The following NETO2 variants were observed in gnomAD, a reference collection of about 807,000 sequenced individuals.
NETO2 encodes neuropilin and tolloid like 2, also known as neuropilin and tolloid-like protein 2.
In NETO2, 28 loss-of-function variants were observed where a neutral mutation model predicts 62.5. The ratio of observed to expected loss-of-function variants is 0.45; its 90% confidence interval spans 0.33 to 0.61. The LOEUF (loss-of-function observed/expected upper bound fraction) is 0.61. Among genes scored for constraint, NETO2 ranks in the 20% least tolerant of loss-of-function variants. NETO2 has a pLI of 0.02. For missense variants in NETO2, 548 were observed against 643.2 expected (o/e 0.85, Z 1.60); for synonymous variants, 214 against 219.1 (o/e 0.98, Z 0.21).
At chr16:47,133,599 CATAACATAAAATAAAATAAAATAAA>C (rs1333924898) in intron 1 of NETO2, among the ~76,000 whole-genome samples, 1 of 122,524 alleles carries the variant, frequency 8.2e-6, no homozygotes, top group Admixed American at 9.7e-5. Flanking sequence ...CATAAAATGA[CATAACATAAAATAAAATAAAATAAA>C]ATAAAATAAA....
rs757500477 is a variant in NETO2 at position 47,083,727 on chromosome 16, C to T, written c.1072G>A (p.Val358Ile). ...ATAGAAATAATGAGAAGGACCAAGA[C>T]AATCCCTGAAGTAATGCCAATAATT... ...GTIIGITSGI[V>I]LVLLIISILV... Residue 358 changes from valine to isoleucine, a missense_variant, in exon 9 of 9, where the codon GTC becomes ATC. Val to Ile is a conservative substitution (Grantham distance 29). Coordinates refer to ENST00000562435, the MANE Select transcript of NETO2 (RefSeq NM_018092.5). 1 of 1,614,086 alleles carries T rather than the reference C, an allele frequency of 6.2e-7. No homozygotes were observed. The highest frequency in any genetic ancestry group is 8.5e-7 in the Non-Finnish European group (1 of 1,179,920).
At chr16:47,125,202 A>G (rs1463152102) in intron 4 of NETO2, among the ~76,000 whole-genome samples, 1 of 152,198 alleles carries the variant, frequency 6.6e-6, no homozygotes, top group Non-Finnish European at 1.5e-5. Context: ...AGTTAATAAA[A>G]ATAAAATAGC....
In NETO2 at chr16:47,138,591, C is replaced by T. The variant is rs566819586; in HGVS notation, c.34+4988G>A. On this transcript the variant is annotated intron_variant, in intron 1 of 8. Transcript: ENST00000562435. ...ATAGTCTTCATTTTGGGGAACTGTG[C>T]GCTCAGTTAAATTCAGAGAATTACT... 3.5e-4 allele frequency among the ~76,000 whole-genome samples: 53 copies of T among 152,290 alleles called. 1 individual carries two copies. The highest frequency in any genetic ancestry group is 1.2e-3 in the African/African-American group (48 of 41,560).
At chr16:47,107,602 G>A (rs768088525) in intron 7 of NETO2, among the ~76,000 whole-genome samples, 10 of 152,154 alleles carry the variant, frequency 6.6e-5, no homozygotes, top group Non-Finnish European at 1.0e-4. Flanking sequence ...CTGGTCCAGC[G>A]TTGGGTCAGG....
At chr16:47,123,170 A>G (rs1199360556) in intron 4 of NETO2, among the ~76,000 whole-genome samples, 4 of 152,262 alleles carry the variant, frequency 2.6e-5, no homozygotes, top group Non-Finnish European at 1.5e-5. Flanking sequence ...TTGAACAGGT[A>G]AACGGAACAT....
rs369533825 is a variant in NETO2, at chr16:47,122,637, G to A, written c.654+20C>T. ...TTATCATGATGTTCTTCTCTGAAGC[G>A]ACTCAATACATAATAATACCTTAGC... On this transcript the variant is annotated intron_variant, in intron 6 of 8. Transcript: ENST00000562435. 140 of 1,604,990 alleles carry A rather than the reference G, an allele frequency of 8.7e-5. No individual in the cohort carries two copies. The African/African-American group carries it at 1.7e-3, about 19-fold the overall frequency.
At chr16:47,098,229 C>T (rs758184728) in intron 7 of NETO2, among the ~76,000 whole-genome samples, 7 of 152,134 alleles carry the variant, frequency 4.6e-5, no homozygotes, top group East Asian at 1.9e-4. Flanking sequence ...CAAACTTCTC[C>T]GAGCTAAAGG....
intron 1 of NETO2, among the ~76,000 whole-genome samples, chr16:47,134,599 C>G (rs1315624619): frequency 6.6e-6 from 1 of 152,170 alleles, no homozygotes; most frequent in Non-Finnish European, 1.5e-5. Flanking sequence ...GTCAATATTT[C>G]GTGCGCAGTA....
intron 1 of NETO2, among the ~76,000 whole-genome samples, chr16:47,143,223 C>T (rs1302188336): frequency 1.3e-5 from 2 of 152,212 alleles, no homozygotes; most frequent in East Asian, 3.9e-4. Flanking sequence ...ACAGGAATCT[C>T]ACAACTTTGC....
chr16:47,096,376 CA>C (rs1963427917), intron 7 of NETO2, among the ~76,000 whole-genome samples: 1 of 152,008 alleles, frequency 6.6e-6, no homozygotes, highest in Non-Finnish European at 1.5e-5. Flanking sequence ...ATTCTTTGGA[CA>C]GATCAACAAG....
chr16:47,098,057 T>G (rs1963464500), intron 7 of NETO2, among the ~76,000 whole-genome samples: 1 of 151,824 alleles, frequency 6.6e-6, no homozygotes. Context: ...GATAAATCCA[T>G]GAAGATAAGG....
chr16:47,139,644 A>AG (rs1964425564), intron 1 of NETO2, among the ~76,000 whole-genome samples: 1 of 152,248 alleles, frequency 6.6e-6, no homozygotes, highest in Non-Finnish European at 1.5e-5. Context: ...GAACAAAAAA[A>AG]GTACCCAAAT....
At position 47,086,148 on chromosome 16, in the gene NETO2, A is replaced by T. The variant is rs1003387495; in HGVS notation, c.997+78T>A. 4.0e-5 allele frequency: 35 copies of T among 867,090 alleles called. 1 individual carries two copies. The Admixed American group carries it at 6.1e-4, about 15-fold the overall frequency. The allele number at this position is 867,090 out of a possible 1,614,324, so 53.7% of individuals were successfully genotyped here. A position where few individuals can be genotyped will look rare whatever the true frequency, so the allele number is the denominator to read the frequency against. ...GCAGCTATGCTAAGCACTGTTGTAGAAAATAACATTTTAAGTTCTTAATGA... is the reference window on the plus strand; with the variant it reads ...GCAGCTATGCTAAGCACTGTTGTAGTAAATAACATTTTAAGTTCTTAATGA... On this transcript the variant is annotated intron_variant, in intron 8 of 8. Coordinates refer to ENST00000562435, the MANE Select transcript of NETO2 (RefSeq NM_018092.5).
chr16:47,139,950 T>A lies in NETO2; in HGVS notation c.34+3629A>T, dbSNP rs540641331. On this transcript the variant is annotated intron_variant, in intron 1 of 8. Coordinates refer to ENST00000562435, the MANE Select transcript of NETO2 (RefSeq NM_018092.5). ...GTCATATTTGAAAGACTACTTGGTATCTTCTAGTGCTGTAATTTCCAATGT... is the reference window on the plus strand; with the variant it reads ...GTCATATTTGAAAGACTACTTGGTAACTTCTAGTGCTGTAATTTCCAATGT... 3.3e-5 allele frequency among the ~76,000 whole-genome samples: 5 copies of A among 152,368 alleles called. No individual in the cohort carries two copies. In the South Asian group the frequency reaches 1.0e-3, roughly 32 times the overall value.
intron 1 of NETO2, among the ~76,000 whole-genome samples, chr16:47,143,256 G>A (rs938370372): frequency 2.8e-4 from 43 of 152,046 alleles, no homozygotes; most frequent in African/African-American, 1.0e-3. Context: ...GGAATTCTAC[G>A]GAAGCGGCGC....
intron 6 of NETO2, among the ~76,000 whole-genome samples, chr16:47,118,647 A>T (rs1466656035): frequency 6.6e-6 from 1 of 152,222 alleles, no homozygotes; most frequent in African/African-American, 2.4e-5. Flanking sequence ...CATTTGTTAA[A>T]ATTTCAAATA....
chr16:47,110,987 C>G (rs1360268913), intron 6 of NETO2, among the ~76,000 whole-genome samples: 1 of 152,194 alleles, frequency 6.6e-6, no homozygotes, highest in Non-Finnish European at 1.5e-5. Flanking sequence ...CAAAACTTTA[C>G]AAAGTCTTCA....
At chr16:47,122,491 G>C (rs985672134) in intron 6 of NETO2, among the ~76,000 whole-genome samples, 166 bp downstream of exon 6, 2 of 152,084 alleles carry the variant, frequency 1.3e-5, no homozygotes, top group African/African-American at 2.4e-5. Context: ...ATAATGCTGG[G>C]ATCTTAGTAG....
At position 47,143,642 on chromosome 16, in the gene NETO2, G is replaced by C; in HGVS notation, c.-30C>G. On this transcript the variant is annotated 5_prime_UTR_variant, in exon 1 of 9. Coordinates refer to ENST00000562435, the MANE Select transcript of NETO2 (RefSeq NM_018092.5). Reference sequence around the variant, plus strand: ...CCGAGCTGCCCGGCGCTTCGCGAAGGGCTGAGGTAGCGGCGGCGGTGGCTC... The same window carrying C: ...CCGAGCTGCCCGGCGCTTCGCGAAGCGCTGAGGTAGCGGCGGCGGTGGCTC... 1 of 1,220,140 alleles carries C rather than the reference G, an allele frequency of 8.2e-7. No individual in the cohort carries two copies. The highest frequency in any genetic ancestry group is 1.0e-6 in the Non-Finnish European group (1 of 977,522). 75.6% of individuals were successfully genotyped at this position (1,220,140 alleles called of 1,614,324 possible). A position where few individuals can be genotyped will look rare whatever the true frequency, so the allele number is the denominator to read the frequency against.
Sources: gnomAD v4.1 joint callset for allele counts (sites outside exome capture counted in the v4.1 genomes callset) on GRCh38, gnomAD v4.1.1 for gene constraint, MANE v1.5 for transcripts, NCBI Gene and HGNC (gene_info 2026-07-23, HGNC 2026-07-21) for gene names.